The following NLGN1 variants were observed in gnomAD, a reference collection of about 807,000 sequenced individuals.
NLGN1 encodes neuroligin 1, also known as neuroligin-1.
Under a neutral mutation model 65.5 loss-of-function variants are expected in NLGN1, and 12 were observed. That is an observed-to-expected ratio of 0.18 (90% confidence interval 0.12 to 0.30). NLGN1 has a LOEUF of 0.30. Among genes scored for constraint, NLGN1 ranks in the 10% least tolerant of loss-of-function variants. The pLI, the probability that NLGN1 is intolerant of heterozygous loss-of-function variation, is 1.00. For missense variants in NLGN1, 750 were observed against 1,007.1 expected (o/e 0.74, Z 3.46); for synonymous variants, 350 against 359.5 (o/e 0.97, Z 0.30).
intron 4 of NLGN1, among the ~76,000 whole-genome samples, chr3:173,927,213 G>A (rs1271988373): frequency 1.3e-5 from 2 of 152,086 alleles, no homozygotes; most frequent in African/African-American, 4.8e-5. Flanking sequence ...ACAGGTGCAT[G>A]TCTCCACGCC....
Position 173,979,736 on chromosome 3 carries a change from C to T in NLGN1, c.646+171904C>T, listed in dbSNP as rs1718338927. ...TGGATACATTATTTTCCTGTATATC[C>T]ATAGTATTTTTGTGTCATTATTCTA... is the stretch of plus-strand genomic sequence containing the variant. On this transcript the variant is annotated intron_variant, in intron 4 of 6. Coordinates refer to ENST00000457714, the Ensembl canonical transcript of NLGN1. Among the ~76,000 whole-genome samples, 3 of 152,152 alleles carry T rather than the reference C, an allele frequency of 2.0e-5. No homozygotes were observed. In the South Asian group the frequency reaches 6.2e-4, roughly 32 times the overall value.
chr3:174,039,011 T>A (rs1440559012), intron 4 of NLGN1, among the ~76,000 whole-genome samples: 13 of 152,174 alleles, frequency 8.5e-5, no homozygotes, highest in Non-Finnish European at 1.5e-5. Flanking sequence ...CCACAGGATC[T>A]ACCATAGACA....
At chr3:174,000,199 G>A (rs1304227456) in intron 4 of NLGN1, among the ~76,000 whole-genome samples, 2 of 151,920 alleles carry the variant, frequency 1.3e-5, no homozygotes, top group Non-Finnish European at 2.9e-5. Context: ...AGATTTCCAG[G>A]TTCCATTTTT....
chr3:173,938,853 G>A (rs1304500673), intron 4 of NLGN1, among the ~76,000 whole-genome samples: 1 of 152,028 alleles, frequency 6.6e-6, no homozygotes, highest in Non-Finnish European at 1.5e-5. Context: ...GATGTCCTTA[G>A]TGGCAAGAGC....
intron 4 of NLGN1, among the ~76,000 whole-genome samples, chr3:173,935,255 A>G (rs1744839660): frequency 6.6e-6 from 1 of 152,014 alleles, no homozygotes; most frequent in Non-Finnish European, 1.5e-5. Context: ...CAGTTAAACT[A>G]TCTGGGGGTT....
chr3:174,007,542 T>A (rs1177515661), intron 4 of NLGN1, among the ~76,000 whole-genome samples: 2 of 152,200 alleles, frequency 1.3e-5, no homozygotes, highest in African/African-American at 4.8e-5. Context: ...AATATTTAGT[T>A]TATATCCTTA....
chr3:173,641,715 A>G (rs1390869206), intron 3 of NLGN1, among the ~76,000 whole-genome samples: 2 of 152,204 alleles, frequency 1.3e-5, no homozygotes, highest in Non-Finnish European at 2.9e-5. Context: ...TGAAAACAAG[A>G]TGTTAATACT....
At chr3:173,879,259 A>G (rs557708299) in intron 4 of NLGN1, among the ~76,000 whole-genome samples, 24 of 151,976 alleles carry the variant, frequency 1.6e-4, no homozygotes, top group African/African-American at 4.8e-4. Context: ...AAGAAAGAAA[A>G]AAATGTTTTA....
At chr3:174,028,214 G>A (rs1353562459) in intron 4 of NLGN1, among the ~76,000 whole-genome samples, 4 of 152,216 alleles carry the variant, frequency 2.6e-5, no homozygotes, top group African/African-American at 4.8e-5. Flanking sequence ...AAATGTGGAA[G>A]TGACTTTGGA....
chr3:173,448,956 C>T (rs1221340816), intron 2 of NLGN1, among the ~76,000 whole-genome samples: 5 of 151,916 alleles, frequency 3.3e-5, no homozygotes, highest in Non-Finnish European at 5.9e-5. Flanking sequence ...TCTCTCTTTT[C>T]TTCTTTATTA....
chr3:173,557,256 A>G (rs908874608), intron 2 of NLGN1, among the ~76,000 whole-genome samples: 38 of 152,144 alleles, frequency 2.5e-4, no homozygotes, highest in Non-Finnish European at 2.9e-4. Flanking sequence ...CTGTTTTTCT[A>G]CTATCATCAT....
At chr3:173,765,394 T>C (rs1300978196) in intron 3 of NLGN1, among the ~76,000 whole-genome samples, 2 of 152,146 alleles carry the variant, frequency 1.3e-5, no homozygotes, top group African/African-American at 4.8e-5. Flanking sequence ...CCAATGATAC[T>C]TTATCTGGAG....
At chr3:173,994,924 A>G (rs1721951042) in intron 4 of NLGN1, among the ~76,000 whole-genome samples, 1 of 152,186 alleles carries the variant, frequency 6.6e-6, no homozygotes, top group African/African-American at 2.4e-5. Context: ...GATGAAAGCT[A>G]ATGGAGTTAA....
intron 4 of NLGN1, among the ~76,000 whole-genome samples, chr3:173,947,560 G>A (rs922359193): frequency 6.6e-5 from 10 of 152,022 alleles, no homozygotes; most frequent in African/African-American, 9.7e-5. Context: ...TTCTCATAAC[G>A]TGCTGCCAAA....
At chr3:173,423,088 GGAGA>G (rs145355386) in intron 1 of NLGN1, among the ~76,000 whole-genome samples, 1 of 151,620 alleles carries the variant, frequency 6.6e-6, no homozygotes, top group Non-Finnish European at 1.5e-5. Flanking sequence ...CAAGGCAGCA[GGAGA>G]GAGAGAGAGA....
chr3:173,904,049 A>G (rs1737878362), intron 4 of NLGN1, among the ~76,000 whole-genome samples: 1 of 152,102 alleles, frequency 6.6e-6, no homozygotes, highest in African/African-American at 2.4e-5. Flanking sequence ...ATTACAGTAC[A>G]ATTTAAACTT....
At chr3:173,533,695 G>A (rs1292087612) in intron 2 of NLGN1, among the ~76,000 whole-genome samples, 1 of 151,962 alleles carries the variant, frequency 6.6e-6, no homozygotes, top group East Asian at 1.9e-4. Context: ...ATGTAGAAAG[G>A]TCTTGGGGCC....
At chr3:174,111,085 T>C (rs1390299490) in intron 4 of NLGN1, among the ~76,000 whole-genome samples, 1 of 151,992 alleles carries the variant, frequency 6.6e-6, no homozygotes, top group East Asian at 1.9e-4. Flanking sequence ...AGTAATTATT[T>C]TAATCCAAAA....
exon 7 of NLGN1, chr3:174,281,210 C>G (rs558486617): frequency 2.5e-6 from 4 of 1,613,118 alleles, no homozygotes; most frequent in Non-Finnish European, 3.4e-6. Flanking sequence ...GGATTCAGCC[C>G]TTACACACAT....
Sources: allele counts gnomAD v4.1 joint callset (sites outside exome capture counted in the v4.1 genomes callset), GRCh38; gene constraint gnomAD v4.1.1; transcripts MANE v1.5; gene names NCBI Gene and HGNC (gene_info 2026-07-23, HGNC 2026-07-21).